MAGI3: variants seen among roughly 807,000 people sequenced by gnomAD.
The protein encoded by MAGI3 is membrane associated guanylate kinase, WW and PDZ domain containing 3.
MAGI3 carries 43 observed loss-of-function variants against 121.8 expected under a neutral mutation model. The ratio of observed to expected loss-of-function variants is 0.35; its 90% CI spans 0.28 to 0.46. MAGI3 has a LOEUF of 0.46. MAGI3 is among the 20% of genes least tolerant of loss of function. The pLI is 1.00. For missense variants in MAGI3, 1,547 were observed against 1,797.3 expected (o/e 0.86, Z 2.52); for synonymous variants, 553 against 639.3 (o/e 0.86, Z 2.04).
At chr1:113,495,092 T>C (rs1656854904) in intron 1 of MAGI3, among the ~76,000 whole-genome samples, 1 of 152,210 alleles carries the variant, frequency 6.6e-6, no homozygotes, top group Admixed American at 6.5e-5. Context: ...TTAGACTATG[T>C]TGTCGGCAGC....
At chr1:113,521,822 T>A (rs1020523056) in intron 1 of MAGI3, among the ~76,000 whole-genome samples, 1 of 152,232 alleles carries the variant, frequency 6.6e-6, no homozygotes, top group Non-Finnish European at 1.5e-5. Flanking sequence ...CCATGCAATC[T>A]GCCTTTTTAT....
At chr1:113,518,602 A>G (rs1303456545) in intron 1 of MAGI3, among the ~76,000 whole-genome samples, 3 of 152,084 alleles carry the variant, frequency 2.0e-5, no homozygotes, top group Non-Finnish European at 4.4e-5. Flanking sequence ...ATTCCCATTT[A>G]TTAGTTGCTT....
At chr1:113,586,128 T>A (rs1362507399) in intron 4 of MAGI3, among the ~76,000 whole-genome samples, 1 of 152,196 alleles carries the variant, frequency 6.6e-6, no homozygotes, top group Non-Finnish European at 1.5e-5. Context: ...AAGAATCTGC[T>A]CCTTTTGAGT....
intron 9 of MAGI3, among the ~76,000 whole-genome samples, chr1:113,641,133 T>C (rs1269864111): frequency 2.3e-5 from 1 of 43,426 alleles, no homozygotes; most frequent in African/African-American, 1.4e-4. Context: ...ATATATTATA[T>C]ATATGATATA....
intron 1 of MAGI3, among the ~76,000 whole-genome samples, chr1:113,496,930 C>T (rs566761096): frequency 5.9e-5 from 9 of 152,206 alleles, no homozygotes; most frequent in South Asian, 4.1e-4. Context: ...GCCTGACTTG[C>T]ATATTATATT....
chr1:113,533,785 CT>C lies in MAGI3; in HGVS notation c.317-15715del, dbSNP rs77624151. 7.8e-3 allele frequency among the ~76,000 whole-genome samples: 1,050 copies of C among 135,194 alleles called. 7 individuals are homozygous for C. Among genetic ancestry groups the C allele is most frequent in the Non-Finnish European group, 0.01 (632 of 62,796 alleles). 88.7% of individuals were successfully genotyped at this position (135,194 alleles called of 152,430 possible). ...GACTGTTTAAATATCTTTTCTTTTT[CT>C]TTTTTTTTTTTTTTGGAATCAGATT... is the stretch of plus-strand genomic sequence containing the variant. On this transcript the variant is annotated intron_variant, in intron 1 of 20. Transcript: ENST00000307546.
At chr1:113,680,507 C>G (rs929328148) in intron 19 of MAGI3, among the ~76,000 whole-genome samples, 4 of 152,180 alleles carry the variant, frequency 2.6e-5, no homozygotes, top group African/African-American at 9.6e-5. Flanking sequence ...CCTGTAATCC[C>G]AGCACTTTAG....
At chr1:113,628,483 T>C (rs1651384078) in intron 9 of MAGI3, among the ~76,000 whole-genome samples, 1 of 152,224 alleles carries the variant, frequency 6.6e-6, no homozygotes, top group Non-Finnish European at 1.5e-5. Context: ...TAATATTCTA[T>C]GTTTTTCTGT....
intron 2 of MAGI3, among the ~76,000 whole-genome samples, chr1:113,556,027 A>G (rs1052284834): frequency 6.6e-6 from 1 of 152,218 alleles, no homozygotes; most frequent in Non-Finnish European, 1.5e-5. Context: ...ACAAATTGAA[A>G]TGTATCAAAC....
intron 6 of MAGI3, among the ~76,000 whole-genome samples, chr1:113,597,946 GC>G: frequency 6.6e-6 from 1 of 152,268 alleles, no homozygotes; most frequent in South Asian, 2.1e-4. Flanking sequence ...AGGCACGGTG[GC>G]TCACACCTGT....
intron 16 of MAGI3, among the ~76,000 whole-genome samples, chr1:113,665,011 CT>C (rs1653962175): frequency 6.6e-6 from 1 of 152,094 alleles, no homozygotes; most frequent in Admixed American, 6.6e-5. Flanking sequence ...AAATTTGTCA[CT>C]TTTTACCTAC....
intron 1 of MAGI3, among the ~76,000 whole-genome samples, chr1:113,448,031 A>G (rs1044205623): frequency 5.3e-5 from 8 of 152,178 alleles, no homozygotes; most frequent in Admixed American, 1.3e-4. Context: ...TTTTGGTAAT[A>G]TTCATTATAT....
chr1:113,571,195 A>G (rs1448883947), intron 2 of MAGI3, among the ~76,000 whole-genome samples: 2 of 152,082 alleles, frequency 1.3e-5, no homozygotes, highest in South Asian at 4.1e-4. Context: ...TGAAGATTAG[A>G]TGGTTATAGA....
At chr1:113,587,511 A>T (rs963202546) in intron 4 of MAGI3, among the ~76,000 whole-genome samples, 13 of 152,172 alleles carry the variant, frequency 8.5e-5, no homozygotes, top group Admixed American at 1.3e-4. Flanking sequence ...ATCGCTTTGG[A>T]ATCCCTGCCT....
At position 113,509,296 on chromosome 1, in the gene MAGI3, G is replaced by A. The variant is rs571364971; in HGVS notation, c.317-40219G>A. 5.0e-4 allele frequency among the ~76,000 whole-genome samples: 76 copies of A among 150,800 alleles called. 1 individual carries two copies. The highest frequency in any genetic ancestry group is 7.8e-4 in the Non-Finnish European group (53 of 67,798). ...CTTCTTTTTATGAATTCCCTCAGCT[G>A]AAATTAGGATAATGTTTTGTTTTTT... On this transcript the variant is annotated intron_variant, in intron 1 of 20. Coordinates refer to ENST00000307546, the MANE Select transcript of MAGI3 (RefSeq NM_001142782.2).
chr1:113,646,786 T>C (rs1270640358), intron 12 of MAGI3, 144 bp downstream of exon 12: 6 of 614,288 alleles, frequency 9.8e-6, no homozygotes, highest in Non-Finnish European at 1.3e-5. Flanking sequence ...ACTTCTTCCA[T>C]GTATATTCGA....
At chr1:113,625,348 A>G (rs988260397) in intron 9 of MAGI3, among the ~76,000 whole-genome samples, 1 of 152,160 alleles carries the variant, frequency 6.6e-6, no homozygotes, top group African/African-American at 2.4e-5. Flanking sequence ...ATATCTTTTC[A>G]TTTTTTGTGT....
At chr1:113,588,821 G>A (rs1253098202) in intron 4 of MAGI3, among the ~76,000 whole-genome samples, 1 of 152,170 alleles carries the variant, frequency 6.6e-6, no homozygotes, top group African/African-American at 2.4e-5. Context: ...TGGAAGAGTG[G>A]AAGTGGAGGT....
chr1:113,680,266 A>G (rs1377318703), intron 19 of MAGI3, among the ~76,000 whole-genome samples: 4 of 152,188 alleles, frequency 2.6e-5, no homozygotes. Flanking sequence ...ATTCAGCTCA[A>G]GTTTGAAAGT....
Sources: allele counts gnomAD v4.1 joint callset (sites outside exome capture counted in the v4.1 genomes callset), GRCh38; gene constraint gnomAD v4.1.1; transcripts MANE v1.5; gene names NCBI Gene and HGNC (gene_info 2026-07-23, HGNC 2026-07-21).